The following USP36 variants were observed in gnomAD, a reference collection of about 807,000 sequenced individuals.
USP36 encodes ubiquitin carboxyl-terminal hydrolase 36.
USP36 carries 59 observed loss-of-function variants against 111.5 expected under a neutral mutation model. The observed-to-expected ratio is 0.53, with a 90% CI of 0.43 to 0.66. USP36 has a LOEUF of 0.66. Among genes scored for constraint, USP36 ranks in the 30% least tolerant of loss-of-function variants. The pLI, the probability that USP36 is intolerant of heterozygous loss-of-function variation, is 0.00. For synonymous variants in USP36, 628 were observed against 581.0 expected, an observed-to-expected ratio of 1.08 and a Z score of -1.16; for missense variants, 1,488 against 1,468.0, an observed-to-expected ratio of 1.01 and a Z score of -0.22.
At chr17:78,826,097 C>G (rs1391743805) in intron 6 of USP36, among the ~76,000 whole-genome samples, 1 of 152,150 alleles carries the variant, frequency 6.6e-6, no homozygotes, top group African/African-American at 2.4e-5. Context: ...GAAGGGCAGA[C>G]CTGGGATCAT....
At position 78,798,602 on chromosome 17, in the gene USP36, G is replaced by A; in HGVS notation, c.3241-51C>T. On this transcript the variant is annotated intron_variant, in intron 19 of 20. Coordinates refer to ENST00000449938, the MANE Select transcript of USP36 (RefSeq NM_001385174.1). The surrounding 1 kb of genome is among the most constrained non-coding windows in gnomAD (Gnocchi z 5.1). ...AGTTCCCAAAAACGGCTCTTTCCTG[G>A]CCCACGGGGCTCCATGCTGCATGCA... is the stretch of plus-strand genomic sequence containing the variant. 2 of 1,603,900 alleles carry A rather than the reference G, an allele frequency of 1.2e-6. No individual in the cohort carries two copies. The highest frequency in any genetic ancestry group is 1.7e-6 in the Non-Finnish European group (2 of 1,179,476).
At chr17:78,836,879 A>C (rs1157611651) in intron 2 of USP36, among the ~76,000 whole-genome samples, 1 of 152,172 alleles carries the variant, frequency 6.6e-6, no homozygotes, top group Admixed American at 6.5e-5. Context: ...TCAGATGAGC[A>C]TGCATGTCTG....
chr17:78,818,147 A>G (rs563426045), intron 10 of USP36, among the ~76,000 whole-genome samples: 18 of 152,308 alleles, frequency 1.2e-4, no homozygotes, highest in Middle Eastern at 3.4e-3. Flanking sequence ...TCTAAACTCC[A>G]TATTTCATAA....
intron 13 of USP36, among the ~76,000 whole-genome samples, chr17:78,810,925 C>T (rs942317854): frequency 2.0e-5 from 3 of 151,872 alleles, no homozygotes; most frequent in African/African-American, 7.3e-5. Context: ...ACCAGCCTGG[C>T]CAACATGGTG....
At chr17:78,808,276 T>C (rs1475465540) in intron 13 of USP36, among the ~76,000 whole-genome samples, 4 of 152,166 alleles carry the variant, frequency 2.6e-5, no homozygotes, top group Non-Finnish European at 4.4e-5. Context: ...AGAGCCTTGC[T>C]CTGTTGCCCA....
upstream of USP36, chr17:78,841,020 C>G (rs1049192529): frequency 6.6e-6 from 1 of 152,302 alleles, no homozygotes; most frequent in Non-Finnish European, 1.5e-5. Context: ...CGTGATGACG[C>G]AAGTGCGCAG....
Position 78,819,633 on chromosome 17 carries a change from T to C in USP36, c.911+297A>G, listed in dbSNP as rs369815604. ...TTGGTGTGGCCCCATGGCTGGTCAC[T>C]TCACTTCTCTGTGCCTCAGTTTCAC... On this transcript the variant is annotated intron_variant, in intron 9 of 20. Transcript: ENST00000449938. 7.9e-5 allele frequency among the ~76,000 whole-genome samples: 12 copies of C among 152,356 alleles called. 4 individuals carry two copies. Among genetic ancestry groups the C allele is most frequent in the Admixed American group, 6.5e-5 (1 of 15,306 alleles).
At chr17:78,840,172 C>G (rs974913423) in intron 1 of USP36, among the ~76,000 whole-genome samples, 3 of 152,134 alleles carry the variant, frequency 2.0e-5, no homozygotes, top group Non-Finnish European at 2.9e-5. Flanking sequence ...TAAACGGGGG[C>G]GCGCGGAGTC....
At chr17:78,815,857 G>A (rs2094170745) in intron 10 of USP36, among the ~76,000 whole-genome samples, 1 of 151,520 alleles carries the variant, frequency 6.6e-6, no homozygotes, top group African/African-American at 2.4e-5. Context: ...ACATATGCAT[G>A]CATACACATG....
chr17:78,822,057 G>C, intron 6 of USP36, 53 bp from the exon 7 acceptor site: 1 of 1,605,254 alleles, frequency 6.2e-7, no homozygotes, highest in Non-Finnish European at 8.5e-7. Context: ...ATGACACGAG[G>C]GATGGCCCCA....
intron 4 of USP36, among the ~76,000 whole-genome samples, chr17:78,831,946 A>C (rs901265467): frequency 4.0e-5 from 6 of 149,752 alleles, no homozygotes; most frequent in African/African-American, 1.3e-4. Flanking sequence ...TTGTCTCAAA[A>C]AAAAAAAAAA....
At chr17:78,827,424 C>G (rs2067664959) in intron 5 of USP36, 77 bp from the exon 6 acceptor site, 1 of 1,418,268 alleles carries the variant, frequency 7.1e-7, no homozygotes, top group East Asian at 2.4e-5. Context: ...CCTGAATGGC[C>G]ATTCCTGGCT....
intron 13 of USP36, among the ~76,000 whole-genome samples, chr17:78,811,680 T>A (rs2094060139): frequency 6.6e-6 from 1 of 151,954 alleles, no homozygotes; most frequent in African/African-American, 2.4e-5. Flanking sequence ...CCATCCTGGC[T>A]AATAAAGTGA....
chr17:78,809,800 T>G (rs2094004476), intron 13 of USP36, among the ~76,000 whole-genome samples: 1 of 152,074 alleles, frequency 6.6e-6, no homozygotes, highest in Admixed American at 6.6e-5. Context: ...TTTTTGCACT[T>G]TTTTTGGAGA....
At chr17:78,820,890 C>A in intron 8 of USP36, 101 bp downstream of exon 8, 1 of 1,286,942 alleles carries the variant, frequency 7.8e-7, no homozygotes, top group South Asian at 1.3e-5. Context: ...AGTTTTCTCC[C>A]TATCTATTTT....
rs1158229978 is a variant in USP36 at position 78,798,147 on chromosome 17, T to TACACACACC, written c.*20+244_*20+252dup. The TACACACACC allele has an allele frequency of 6.2e-6, 3 of 480,074 alleles. No individual in the cohort carries two copies. The highest frequency in any genetic ancestry group is 3.7e-6 in the Non-Finnish European group (1 of 269,258). 29.7% of individuals were successfully genotyped at this position (480,074 alleles called of 1,614,324 possible). ...TACACACCCCACACCCAACACACAC[T>TACACACACC]ACACACACCCCCTTATACACACGCA... On this transcript the variant is annotated intron_variant, in intron 20 of 20. Transcript: ENST00000449938. This position sits in a 1 kb window ranked among gnomAD's most constrained non-coding sequence, Gnocchi z 5.1.
intron 13 of USP36, among the ~76,000 whole-genome samples, chr17:78,809,110 T>C (rs1288633938): frequency 3.3e-5 from 5 of 152,240 alleles, no homozygotes; most frequent in Admixed American, 3.3e-4. Context: ...GTGATCTTCA[T>C]TTGAATGAGA....
intron 12 of USP36, 106 bp downstream of exon 12, chr17:78,813,667 G>C (rs2094119105): frequency 1.0e-6 from 1 of 967,844 alleles, no homozygotes; most frequent in Non-Finnish European, 1.6e-6. Flanking sequence ...AATCCCTCCA[G>C]TGGAATTCCC....
Position 78,835,283 on chromosome 17 carries a change from T to A in USP36, c.472A>T (p.Ser158Cys), listed in dbSNP as rs142785001. The change falls in exon 4 of 21, where the codon AGC becomes TGC. Residue 158 changes from serine to cysteine, a missense_variant. Transcript: ENST00000449938. ...NYLLSKEHAR[S>C]CHQGSFCMLC... is the part of the protein sequence containing the mutation. ...ACTGCTGCAAACCCACACTCACAGC[T>A]GCGAGCATGCTCCTTGGAGAGCAGG... is the stretch of plus-strand genomic sequence containing the variant. 429 of 1,614,012 alleles carry A rather than the reference T, an allele frequency of 2.7e-4. 1 individual carries two copies. The African/African-American group carries it at 2.9e-3, about 11-fold the overall frequency.
Sources: gnomAD v4.1 joint callset for allele counts (sites outside exome capture counted in the v4.1 genomes callset) on GRCh38, gnomAD v4.1.1 for gene constraint, Gnocchi (gnomAD v3.1) non-coding constraint, MANE v1.5 for transcripts, NCBI Gene and HGNC (gene_info 2026-07-23, HGNC 2026-07-21) for gene names.